UBL3: variants seen among roughly 807,000 people sequenced by gnomAD.
The protein encoded by UBL3 is ubiquitin like 3, also known as ubiquitin-like protein 3.
Under a neutral mutation model 18.4 loss-of-function variants are expected in UBL3, and 6 were observed. The ratio of observed to expected loss-of-function variants is 0.33; its 90% CI spans 0.18 to 0.64. UBL3 has a LOEUF of 0.64. Ranked by LOEUF, UBL3 falls within the 30% of genes least tolerant of loss-of-function variation. The probability of loss-of-function intolerance (pLI) is 0.76; values close to 1 mark genes in which losing one functional copy is unlikely to be tolerated. For missense variants in UBL3, 109 were observed against 142.9 expected, an observed-to-expected ratio of 0.76 and a Z score of 1.21; for synonymous variants, 49 against 46.6, an observed-to-expected ratio of 1.05 and a Z score of -0.21.
At chr13:29,848,601 C>A (rs1593681328) in intron 1 of UBL3, among the ~76,000 whole-genome samples, 1 of 152,310 alleles carries the variant, frequency 6.6e-6, no homozygotes, top group East Asian at 1.9e-4. Flanking sequence ...AACTTCAATT[C>A]TTTCATAAAC....
At chr13:29,777,290 C>A (rs564247595) in intron 1 of UBL3, 27 bp from the exon 2 acceptor site, 1 of 1,559,086 alleles carries the variant, frequency 6.4e-7, no homozygotes, top group South Asian at 1.2e-5. Context: ...ATTCTTTTAA[C>A]ATAAATCTAA....
chr13:29,849,897 C>G lies in UBL3; in HGVS notation c.-359G>C. On this transcript the variant is annotated 5_prime_UTR_variant, in exon 1 of 5. Coordinates refer to ENST00000380680, the MANE Select transcript of UBL3 (RefSeq NM_007106.4). ...AGGGGTGGGAGGGGGTTAAATGCGCCTTCCTCCTTTCCCAGCCCCGGCAAT... is the reference window on the plus strand; with the variant it reads ...AGGGGTGGGAGGGGGTTAAATGCGCGTTCCTCCTTTCCCAGCCCCGGCAAT... The G allele has an allele frequency of 2.4e-6, 1 of 415,992 alleles. No individual in the cohort carries two copies. Among genetic ancestry groups the G allele is most frequent in the Non-Finnish European group, 4.4e-6 (1 of 225,010 alleles). The allele number at this position is 415,992 out of a possible 1,614,324, so 25.8% of individuals were successfully genotyped here. A position where few individuals can be genotyped will look rare whatever the true frequency, so the allele number is the denominator to read the frequency against.
chr13:29,770,480 G>C (rs960740982), intron 3 of UBL3, among the ~76,000 whole-genome samples: 1 of 151,960 alleles, frequency 6.6e-6, no homozygotes, highest in South Asian at 2.1e-4. Context: ...CAATAGTTTT[G>C]ATTTTAACAC....
chr13:29,808,636 CATT>C (rs1877957204), intron 1 of UBL3, among the ~76,000 whole-genome samples: 1 of 152,118 alleles, frequency 6.6e-6, no homozygotes, highest in Non-Finnish European at 1.5e-5. Context: ...ACACCACCCT[CATT>C]GTCTCATTTT....
chr13:29,794,272 T>C (rs528008003), intron 1 of UBL3, among the ~76,000 whole-genome samples: 2 of 152,298 alleles, frequency 1.3e-5, no homozygotes, highest in African/African-American at 4.8e-5. Flanking sequence ...TAAAAGCTGC[T>C]TTCTTAAGGA....
intron 1 of UBL3, among the ~76,000 whole-genome samples, chr13:29,778,221 T>C (rs1379796547): frequency 1.3e-5 from 2 of 152,170 alleles, no homozygotes; most frequent in Non-Finnish European, 2.9e-5. Context: ...GTGATAACCC[T>C]AAGGGGGATA....
chr13:29,844,897 T>C (rs1016350268), intron 1 of UBL3, among the ~76,000 whole-genome samples: 3 of 151,784 alleles, frequency 2.0e-5, no homozygotes, highest in Non-Finnish European at 4.4e-5. Context: ...AAGCAGACAT[T>C]ATAGACTTCA....
Position 29,780,367 on chromosome 13 carries a change from A to AT in UBL3, c.28-3105_28-3104insA, listed in dbSNP as rs1555232301. The stretch of plus-strand genomic sequence containing the variant: ...AGACTCTGTCTCAAAAAAAAAAAAA[A>AT]ATATATATATATATATATATATATG... On this transcript the variant is annotated intron_variant, in intron 1 of 4. Coordinates refer to ENST00000380680, the MANE Select transcript of UBL3 (RefSeq NM_007106.4). Among the ~76,000 whole-genome samples the AT allele has an allele frequency of 2.5e-4, 26 of 103,312 alleles. 1 individual carries two copies. The highest frequency in any genetic ancestry group is 7.9e-4 in the African/African-American group (20 of 25,172). 67.8% of individuals were successfully genotyped at this position (103,312 alleles called of 152,430 possible). A position where few individuals can be genotyped will look rare whatever the true frequency, so the allele number is the denominator to read the frequency against.
intron 1 of UBL3, among the ~76,000 whole-genome samples, chr13:29,781,828 T>TAAAAAAAAAA (rs11357100): frequency 1.7e-4 from 14 of 82,704 alleles, no homozygotes; most frequent in South Asian, 4.5e-4. Flanking sequence ...TACAAAAAAT[T>TAAAAAAAAAA]AAAAAAAAAA....
chr13:29,830,295 T>G (rs1366594745), intron 1 of UBL3, among the ~76,000 whole-genome samples: 3 of 152,208 alleles, frequency 2.0e-5, no homozygotes, highest in Non-Finnish European at 4.4e-5. Flanking sequence ...AGCAAAAATA[T>G]AATAACAGGC....
rs1196164507 is a variant in UBL3, at chr13:29,785,619, T to C, written c.28-8356A>G. 4.6e-5 allele frequency among the ~76,000 whole-genome samples: 7 copies of C among 152,328 alleles called. No individual in the cohort carries two copies. In the East Asian group the frequency reaches 1.3e-3, roughly 29 times the overall value. ...AACAAAGAATGAGGAAGCGATATAT[T>C]CATTTTCCTATGTAAGACTGATTTA... On this transcript the variant is annotated intron_variant, in intron 1 of 4. Coordinates refer to ENST00000380680, the MANE Select transcript of UBL3 (RefSeq NM_007106.4).
chr13:29,802,528 G>A (rs35693706), intron 1 of UBL3, among the ~76,000 whole-genome samples: 15,505 of 152,228 alleles, frequency 0.1, 970 homozygotes, highest in African/African-American at 0.17. Context: ...TCAAGGTTCA[G>A]GAGAAAGATG....
intron 1 of UBL3, among the ~76,000 whole-genome samples, chr13:29,833,959 G>A (rs986977714): frequency 4.6e-5 from 7 of 152,042 alleles, no homozygotes; most frequent in Non-Finnish European, 1.0e-4. Flanking sequence ...AGGCCGCAGC[G>A]GGCAGATCAC....
rs996363181 is a variant in UBL3, at chr13:29,783,076, T to C, written c.28-5813A>G. Among the ~76,000 whole-genome samples, 8 of 152,234 alleles carry C rather than the reference T, an allele frequency of 5.3e-5. No individual in the cohort carries two copies. The East Asian group carries it at 5.8e-4, about 11-fold the overall frequency. Reference sequence around the variant, plus strand: ...AAACCTAGGCTTCAGCATTCTGGCATTGTATTGAATGAGTGGCATAGTATG... The same window carrying C: ...AAACCTAGGCTTCAGCATTCTGGCACTGTATTGAATGAGTGGCATAGTATG... On this transcript the variant is annotated intron_variant, in intron 1 of 4. Coordinates refer to ENST00000380680, the MANE Select transcript of UBL3 (RefSeq NM_007106.4).
intron 1 of UBL3, among the ~76,000 whole-genome samples, chr13:29,792,055 A>G (rs1593657595): frequency 6.6e-6 from 1 of 152,200 alleles, no homozygotes; most frequent in Admixed American, 6.5e-5. Flanking sequence ...TTTTAAATCA[A>G]AAAAGGAAAA....
At position 29,777,237 on chromosome 13, in the gene UBL3, G is replaced by A. The variant is rs150248814; in HGVS notation, c.54C>T (p.Ser18=). ...AAAACAGGAACTCTTTTGTTTTTCC[G>A]CTTACCAAAATGAGGCGCAAATTTA... ...DMINLRLILV[S]GKTKEFLFSP... is the part of the protein sequence containing the mutation. The change falls in exon 2 of 5, where the codon AGC becomes AGT. Residue 18 remains serine, a synonymous_variant. Transcript: ENST00000380680. 1.4e-3 allele frequency: 2,194 copies of A among 1,608,826 alleles called. 4 individuals are homozygous for A. Among genetic ancestry groups the A allele is most frequent in the East Asian group, 2.2e-3 (98 of 44,754 alleles).
At chr13:29,782,266 C>T (rs1224239841) in intron 1 of UBL3, among the ~76,000 whole-genome samples, 9 of 151,934 alleles carry the variant, frequency 5.9e-5, no homozygotes, top group Non-Finnish European at 7.4e-5. Flanking sequence ...GAAAACCAAA[C>T]CAAACCAAAA....
chr13:29,819,312 C>T (rs1206943959), intron 1 of UBL3, among the ~76,000 whole-genome samples: 4 of 152,196 alleles, frequency 2.6e-5, no homozygotes, highest in Admixed American at 6.5e-5. Context: ...AAGCGTAAAA[C>T]GAAAGGCAAA....
intron 1 of UBL3, among the ~76,000 whole-genome samples, chr13:29,847,092 G>C (rs2139372818): frequency 6.6e-6 from 1 of 152,280 alleles, no homozygotes; most frequent in East Asian, 1.9e-4. Context: ...CTTCTAACCA[G>C]TATTTGTCAT....
Sources: gnomAD v4.1 joint callset for allele counts (sites outside exome capture counted in the v4.1 genomes callset) on GRCh38, gnomAD v4.1.1 for gene constraint, MANE v1.5 for transcripts, NCBI Gene and HGNC (gene_info 2026-07-23, HGNC 2026-07-21) for gene names.